The following LLGL2 variants were observed in gnomAD, a reference collection of about 807,000 sequenced individuals.
LLGL2 encodes LLGL2, scribble cell polarity complex component.
A neutral mutation model predicts 123.2 loss-of-function variants in LLGL2; 81 were observed. The observed-to-expected ratio is 0.66, with a 90% CI of 0.55 to 0.79. The LOEUF (loss-of-function observed/expected upper bound fraction) is 0.79, where lower values mean the gene tolerates loss of function less well. LLGL2 is among the 30% of genes least tolerant of loss of function. The pLI, the probability that LLGL2 is intolerant of heterozygous loss-of-function variation, is 0.00. For synonymous variants in LLGL2, 577 were observed against 594.1 expected (o/e 0.97, Z 0.42); for missense variants, 1,273 against 1,414.6 (o/e 0.90, Z 1.61).
Position 75,570,996 on chromosome 17 carries a change from T to C in LLGL2, c.2072T>C (p.Met691Thr), listed in dbSNP as rs1301420097. 1 of 1,612,882 alleles carries C rather than the reference T, an allele frequency of 6.2e-7. No individual in the cohort carries two copies. The highest frequency in any genetic ancestry group is 1.3e-5 in the African/African-American group (1 of 75,070). ...GCTGAGCGGCCAGGCCTCCAGAACA[T>C]GGAGCTGGCGCCTGTGCAGCGCAAG... ...AKAERPGLQN[M>T]ELAPVQRKIE... The change falls in exon 17 of 26, where the codon ATG (methionine) becomes ACG (threonine). Residue 691 changes from methionine to threonine, a missense_variant. Met to Thr is a moderately conservative substitution (Grantham distance 81). Coordinates refer to ENST00000392550, the MANE Select transcript of LLGL2 (RefSeq NM_001031803.2).
rs767602142 is a variant in LLGL2, at chr17:75,558,663, C to G, written c.371+36C>G. On this transcript the variant is annotated intron_variant, in intron 5 of 25. Coordinates refer to ENST00000392550, the MANE Select transcript of LLGL2 (RefSeq NM_001031803.2). This position sits in a 1 kb window ranked among gnomAD's most constrained non-coding sequence, Gnocchi z 4.0. ...AATCCCCAGCCCCTTCCACTCCCAG[C>G]CCAGCCTGACCCTTGCCCTTAGCTC... is the stretch of plus-strand genomic sequence containing the variant. 6.1e-6 allele frequency: 9 copies of G among 1,485,828 alleles called. No individual in the cohort carries two copies. In the South Asian group the frequency reaches 1.1e-4, roughly 18 times the overall value. 92.0% of individuals were successfully genotyped at this position (1,485,828 alleles called of 1,614,324 possible).
intron 1 of LLGL2, among the ~76,000 whole-genome samples, chr17:75,537,302 T>C (rs1239575893): frequency 6.6e-6 from 1 of 152,138 alleles, no homozygotes; most frequent in Non-Finnish European, 1.5e-5. Flanking sequence ...ATGGTTTCAA[T>C]GGATCATTTT....
chr17:75,556,228 G>A (rs570259692), intron 3 of LLGL2, 85 bp downstream of exon 3: 20 of 1,049,674 alleles, frequency 1.9e-5, no homozygotes, highest in South Asian at 1.6e-4. Flanking sequence ...TTCCTTGCCC[G>A]TGGGCTGTTG....
intron 18 of LLGL2, 22 bp from the exon 19 acceptor site, chr17:75,571,876 A>G: frequency 6.2e-7 from 1 of 1,609,752 alleles, no homozygotes; most frequent in Non-Finnish European, 8.5e-7. Context: ...CACCAGCCCC[A>G]ACACCCACCT....
At chr17:75,547,835 A>AG (rs2147249090) in intron 2 of LLGL2, among the ~76,000 whole-genome samples, 2 of 152,194 alleles carry the variant, frequency 1.3e-5, no homozygotes, top group East Asian at 3.9e-4. Context: ...AAAAAAAAAA[A>AG]AAATGAGGAC....
At chr17:75,531,470 T>C (rs2053784174) in intron 1 of LLGL2, among the ~76,000 whole-genome samples, 1 of 152,194 alleles carries the variant, frequency 6.6e-6, no homozygotes, top group South Asian at 2.1e-4. Flanking sequence ...GCCGGCTGCT[T>C]TGAGCAGCAC....
At position 75,570,347 on chromosome 17, in the gene LLGL2, G is replaced by A. The variant is rs2055643457; in HGVS notation, c.1875-1G>A. On this transcript the variant is annotated splice_acceptor_variant, in intron 15 of 25. Transcript: ENST00000392550. LOFTEE classifies it high-confidence loss of function. Reference sequence around the variant, plus strand: ...CACTGACAGCCTGCCATCCCCCCAAGGTGCACACTGCACCCCAGTGACCAG... The same window carrying A: ...CACTGACAGCCTGCCATCCCCCCAAAGTGCACACTGCACCCCAGTGACCAG... The A allele has an allele frequency of 6.2e-7, 1 of 1,611,684 alleles. No individual in the cohort carries two copies.
At chr17:75,540,009 C>T (rs1205792805) in intron 1 of LLGL2, among the ~76,000 whole-genome samples, 1 of 152,174 alleles carries the variant, frequency 6.6e-6, no homozygotes, top group Non-Finnish European at 1.5e-5. Flanking sequence ...CCATGCCAAG[C>T]TCTTGCTCCT....
At chr17:75,529,202 C>CT (rs1227163366) in intron 1 of LLGL2, among the ~76,000 whole-genome samples, 395 of 151,026 alleles carry the variant, frequency 2.6e-3, no homozygotes, top group African/African-American at 8.8e-3. Flanking sequence ...CAGTCCTTTT[C>CT]TTTTTTTTTC....
chr17:75,531,268 T>A (rs868042539), intron 1 of LLGL2, among the ~76,000 whole-genome samples: 1 of 152,188 alleles, frequency 6.6e-6, no homozygotes. Context: ...AGGTGGCCCA[T>A]GAGCCCCTGC....
chr17:75,567,525 G>A (rs2055494365), intron 10 of LLGL2, among the ~76,000 whole-genome samples: 1 of 152,086 alleles, frequency 6.6e-6, no homozygotes, highest in Non-Finnish European at 1.5e-5. Context: ...TGTAATCCCA[G>A]CTACTTGGGA....
chr17:75,550,772 C>T (rs1441605532), intron 2 of LLGL2, among the ~76,000 whole-genome samples: 1 of 112,982 alleles, frequency 8.9e-6, no homozygotes, highest in Admixed American at 1.0e-4. Flanking sequence ...CAGAGTGAGA[C>T]CCTGTCTCAA....
At chr17:75,540,050 T>TC (rs59997228) in intron 1 of LLGL2, among the ~76,000 whole-genome samples, 22,893 of 152,094 alleles carry the variant, frequency 0.15, 2,134 homozygotes, top group African/African-American at 0.25. Flanking sequence ...GGGAGTGCCA[T>TC]CCCCCTTTAC....
chr17:75,538,964 C>T (rs550822555), intron 1 of LLGL2, among the ~76,000 whole-genome samples: 2 of 152,204 alleles, frequency 1.3e-5, no homozygotes, highest in African/African-American at 4.8e-5. Context: ...ACAGTCATAG[C>T]TCACAGCAGC....
chr17:75,552,156 G>A (rs1272629793), intron 2 of LLGL2, among the ~76,000 whole-genome samples: 2 of 151,846 alleles, frequency 1.3e-5, no homozygotes, highest in African/African-American at 4.8e-5. Flanking sequence ...GCTGCATTAT[G>A]AAATTATTTA....
In LLGL2 at chr17:75,568,708, G is replaced by A. The variant is rs759542664; in HGVS notation, c.1254+15G>A. The stretch of plus-strand genomic sequence containing the variant: ...TCTCCACCATGGTAGGTCTGGCCCT[G>A]GCCCCAGCCCCAGCCCCACCGCAAG... On this transcript the variant is annotated intron_variant, in intron 11 of 25. Coordinates refer to ENST00000392550, the MANE Select transcript of LLGL2 (RefSeq NM_001031803.2). The A allele has an allele frequency of 5.6e-6, 9 of 1,613,622 alleles. No homozygotes were observed. The highest frequency in any genetic ancestry group is 6.8e-6 in the Non-Finnish European group (8 of 1,179,924).
chr17:75,527,301 G>T (rs1399580245), intron 1 of LLGL2, among the ~76,000 whole-genome samples: 1 of 152,048 alleles, frequency 6.6e-6, no homozygotes, highest in Non-Finnish European at 1.5e-5. Context: ...TTTCTTAGGC[G>T]ATCTTCCCAC....
intron 1 of LLGL2, among the ~76,000 whole-genome samples, chr17:75,528,990 T>C (rs2053675562): frequency 6.6e-6 from 1 of 150,436 alleles, no homozygotes; most frequent in Non-Finnish European, 1.5e-5. Context: ...AACCGGTCTC[T>C]ACTTAAAAAT....
Position 75,572,077 on chromosome 17 carries a change from C to T in LLGL2, c.2460+13C>T, listed in dbSNP as rs369181970. ...GGAGCAGTTCAAGGTGCCACACGGG[C>T]AGCGGCGGGTCTCCCTGGGACTCCC... On this transcript the variant is annotated intron_variant, in intron 19 of 25. Coordinates refer to ENST00000392550, the MANE Select transcript of LLGL2 (RefSeq NM_001031803.2). The T allele has an allele frequency of 6.2e-7, 1 of 1,604,916 alleles. No homozygotes were observed. The highest frequency in any genetic ancestry group is 8.5e-7 in the Non-Finnish European group (1 of 1,177,724).
Sources: gnomAD v4.1 joint callset for allele counts (sites outside exome capture counted in the v4.1 genomes callset) on GRCh38, gnomAD v4.1.1 for gene constraint, Gnocchi (gnomAD v3.1) non-coding constraint, MANE v1.5 for transcripts, NCBI Gene and HGNC (gene_info 2026-07-23, HGNC 2026-07-21) for gene names.